UNC79: variants seen among roughly 807,000 people sequenced by gnomAD.
The protein encoded by UNC79 is protein unc-79 homolog.
UNC79 carries 37 observed loss-of-function variants against 283.1 expected under a neutral mutation model. That is an observed-to-expected ratio of 0.13 (90% CI 0.10 to 0.17). UNC79 has a LOEUF of 0.17. Among genes scored for constraint, UNC79 ranks in the 10% least tolerant of loss-of-function variants. UNC79 has a pLI of 1.00. For missense variants in UNC79, 2,272 were observed against 3,211.1 expected (o/e 0.71, Z 7.07); for synonymous variants, 1,107 against 1,200.2 (o/e 0.92, Z 1.61).
At chr14:93,414,803 G>A (rs1014191489) in intron 1 of UNC79, among the ~76,000 whole-genome samples, 5 of 152,148 alleles carry the variant, frequency 3.3e-5, no homozygotes, top group African/African-American at 1.2e-4. Flanking sequence ...GTGAATGGGA[G>A]TTCACTCATG....
chr14:93,673,510 A>G lies in UNC79; in HGVS notation c.6741+55A>G, dbSNP rs928114668. The stretch of plus-strand genomic sequence containing the variant: ...TCATGAGATCCATGTATGTTTGGGA[A>G]AATTAAGGGAGGTGTAGAGTGTATG... On this transcript the variant is annotated intron_variant, in intron 41 of 48. Transcript: ENST00000555664. The G allele has an allele frequency of 2.0e-6, 3 of 1,480,880 alleles. No homozygotes were observed. In the African/African-American group the frequency reaches 4.2e-5, roughly 21 times the overall value. The allele number at this position is 1,480,880 out of a possible 1,614,324, so 91.7% of individuals were successfully genotyped here. A position where few individuals can be genotyped will look rare whatever the true frequency, so the allele number is the denominator to read the frequency against.
intron 16 of UNC79, 73 bp downstream of exon 16, chr14:93,572,889 A>G (rs770530880): frequency 3.2e-6 from 5 of 1,561,096 alleles, no homozygotes; most frequent in Non-Finnish European, 4.3e-6. Flanking sequence ...CTGGATCGAG[A>G]GAGTGGGAGT....
intron 30 of UNC79, among the ~76,000 whole-genome samples, chr14:93,628,698 T>C (rs557452958): frequency 2.0e-5 from 3 of 152,320 alleles, no homozygotes; most frequent in East Asian, 3.9e-4. Context: ...CCCATCACTA[T>C]AAAAATTGAA....
At chr14:93,393,979 A>G (rs1595424402) in intron 1 of UNC79, among the ~76,000 whole-genome samples, 1 of 150,060 alleles carries the variant, frequency 6.7e-6, no homozygotes, top group African/African-American at 2.4e-5. Context: ...CAATTTTGTC[A>G]GGTTTTTTTT....
At chr14:93,353,161 C>T (rs2054013295) in intron 1 of UNC79, among the ~76,000 whole-genome samples, 1 of 152,156 alleles carries the variant, frequency 6.6e-6, no homozygotes, top group African/African-American at 2.4e-5. Flanking sequence ...TTTCCTTTTA[C>T]TTATCGAACC....
intron 1 of UNC79, among the ~76,000 whole-genome samples, chr14:93,340,991 A>G (rs2053696705): frequency 6.6e-6 from 1 of 152,178 alleles, no homozygotes; most frequent in Non-Finnish European, 1.5e-5. Context: ...TCTAAGAGAA[A>G]TATGCTTTAT....
At chr14:93,662,627 A>G in exon 40 of UNC79, 1 of 1,607,772 alleles carries the variant, frequency 6.2e-7, no homozygotes, top group African/African-American at 1.3e-5. Context: ...CATTTTCAAA[A>G]CTGCTCAGCT....
At chr14:93,620,509 G>A (rs2067053174) in intron 29 of UNC79, among the ~76,000 whole-genome samples, 1 of 151,958 alleles carries the variant, frequency 6.6e-6, no homozygotes, top group Admixed American at 6.6e-5. Context: ...CGCCAAATCA[G>A]CCTGAAAATC....
intron 20 of UNC79, among the ~76,000 whole-genome samples, chr14:93,582,855 C>G (rs1330405926): frequency 6.6e-6 from 1 of 152,110 alleles, no homozygotes; most frequent in Non-Finnish European, 1.5e-5. Context: ...GAATCGTACT[C>G]TAGCTCCTCT....
rs540586329 is a variant in UNC79, at chr14:93,389,429, A to G, written c.-351+55906A>G. Among the ~76,000 whole-genome samples, 3 of 152,286 alleles carry G rather than the reference A, an allele frequency of 2.0e-5. No homozygotes were observed. In the East Asian group the frequency reaches 5.8e-4, roughly 29 times the overall value. On this transcript the variant is annotated intron_variant, in intron 1 of 49. Transcript: ENST00000256339. ...ACTGTAATCCCTGTGAGAAGGAGAA[A>G]AAAACTAGGTGAATCCTACAGTTGT...
At chr14:93,635,297 T>C (rs2068415268) in intron 31 of UNC79, among the ~76,000 whole-genome samples, 1 of 152,236 alleles carries the variant, frequency 6.6e-6, no homozygotes, top group African/African-American at 2.4e-5. Flanking sequence ...ACAATCCTCT[T>C]TTAAGTGCCT....
At chr14:93,398,309 A>C (rs961068382) in intron 1 of UNC79, among the ~76,000 whole-genome samples, 1 of 152,208 alleles carries the variant, frequency 6.6e-6, no homozygotes, top group Non-Finnish European at 1.5e-5. Flanking sequence ...CTAGGAGGAT[A>C]ATAAGCCAAG....
chr14:93,521,112 C>T (rs1042083348), intron 7 of UNC79, among the ~76,000 whole-genome samples: 3 of 151,954 alleles, frequency 2.0e-5, no homozygotes, highest in African/African-American at 7.2e-5. Flanking sequence ...TTAGAATGAG[C>T]CTAGAGTAAC....
Position 93,592,213 on chromosome 14 carries a change from C to G in UNC79, c.3033-1467C>G, listed in dbSNP as rs1333169156. On this transcript the variant is annotated intron_variant, in intron 22 of 48. Coordinates refer to ENST00000555664, the Ensembl canonical transcript of UNC79. The stretch of plus-strand genomic sequence containing the variant: ...TTTTTGAGACTGAGTCTCGCTCTGT[C>G]GCCCAGGCTGGAGTGCAGTGGCTCA... 3.0e-5 allele frequency among the ~76,000 whole-genome samples: 4 copies of G among 132,676 alleles called. No individual in the cohort carries two copies. The South Asian group carries it at 9.7e-4, about 32-fold the overall frequency. 87.0% of individuals were successfully genotyped at this position (132,676 alleles called of 152,430 possible).
At chr14:93,491,660 T>C (rs1030130296) in intron 5 of UNC79, among the ~76,000 whole-genome samples, 1 of 152,236 alleles carries the variant, frequency 6.6e-6, no homozygotes. Flanking sequence ...GTTACATATA[T>C]GTAAAGTGCT....
intron 38 of UNC79, among the ~76,000 whole-genome samples, chr14:93,655,767 A>G (rs1268699419): frequency 6.6e-6 from 1 of 152,192 alleles, no homozygotes; most frequent in East Asian, 1.9e-4. Context: ...AGCAGCTCAG[A>G]CATATAATGT....
intron 47 of UNC79, among the ~76,000 whole-genome samples, chr14:93,697,098 C>A (rs2075188685): frequency 6.6e-6 from 1 of 151,990 alleles, no homozygotes; most frequent in South Asian, 2.1e-4. Context: ...TTTCTGACTT[C>A]TTGATTCTGT....
At chr14:93,626,480 A>C (rs969912177) in intron 30 of UNC79, among the ~76,000 whole-genome samples, 4 of 151,984 alleles carry the variant, frequency 2.6e-5, no homozygotes, top group Non-Finnish European at 5.9e-5. Flanking sequence ...AGGACCCTTG[A>C]TTTGAGCCTG....
intron 23 of UNC79, among the ~76,000 whole-genome samples, chr14:93,594,301 G>T (rs2064901077): frequency 6.6e-6 from 1 of 151,976 alleles, no homozygotes; most frequent in Non-Finnish European, 1.5e-5. Context: ...ACAGAGTCTT[G>T]CTGTGTTGTC....
Sources: allele counts gnomAD v4.1 joint callset (sites outside exome capture counted in the v4.1 genomes callset), GRCh38; gene constraint gnomAD v4.1.1; transcripts MANE v1.5; gene names NCBI Gene and HGNC (gene_info 2026-07-23, HGNC 2026-07-21).